The following CAPN2 variants were observed in gnomAD, a reference collection of about 807,000 sequenced individuals.
The protein encoded by CAPN2 is calpain 2, also known as calpain-2 catalytic subunit.
A neutral mutation model predicts 102.3 loss-of-function variants in CAPN2; 92 were observed. The ratio of observed to expected loss-of-function variants is 0.90; its 90% CI spans 0.76 to 1.07. The LOEUF (loss-of-function observed/expected upper bound fraction) is 1.07. Among genes scored for constraint, CAPN2 ranks in the 50% least tolerant of loss-of-function variants. The probability of loss-of-function intolerance (pLI) is 0.00; values close to 1 mark genes in which losing one functional copy is unlikely to be tolerated. For missense variants in CAPN2, 800 were observed against 909.4 expected (o/e 0.88, Z 1.55); for synonymous variants, 340 against 355.4 (o/e 0.96, Z 0.49).
chr1:223,745,189 A>G, intron 3 of CAPN2, 117 bp from the exon 4 acceptor site: 2 of 1,357,318 alleles, frequency 1.5e-6, no homozygotes, highest in Non-Finnish European at 2.0e-6. Context: ...TCCTCCCAGG[A>G]TGCGCTCATG....
At position 223,744,110 on chromosome 1, in the gene CAPN2, G is replaced by A. The variant is rs757338419; in HGVS notation, c.318G>A (p.Trp106Ter). Residue 106 changes from tryptophan (W) to a stop codon, truncating the protein, a stop_gained, in exon 3 of 21, where the codon TGG becomes TGA. Transcript: ENST00000295006. LOFTEE classifies it high-confidence loss of function. Reference sequence around the variant, plus strand: ...GTGCTGTGTTCACAGGTGACTGCTGGCTGCTGGCAGCCATTGCCTCCCTCA... The same window carrying A: ...GTGCTGTGTTCACAGGTGACTGCTGACTGCTGGCAGCCATTGCCTCCCTCA... ...DICQGALGDC[W>*]LLAAIASLTL... is the part of the protein sequence containing the mutation. 1 of 1,612,366 alleles carries A rather than the reference G, an allele frequency of 6.2e-7. No individual in the cohort carries two copies. Among genetic ancestry groups the A allele is most frequent in the East Asian group, 2.2e-5 (1 of 44,878 alleles).
Position 223,741,839 on chromosome 1 carries a change from T to TTG in CAPN2, c.308-2261_308-2260insTG, listed in dbSNP as rs1660625703. ...TTGCCCAGGCTGGAGTGCAGTGGCGTGATCTTGGCTCACTGCAGACTCCAT... is the reference window on the plus strand; with the variant it reads ...TTGCCCAGGCTGGAGTGCAGTGGCGTTGGATCTTGGCTCACTGCAGACTCCAT... On this transcript the variant is annotated intron_variant, in intron 2 of 20. Transcript: ENST00000295006. 2.0e-5 allele frequency among the ~76,000 whole-genome samples: 3 copies of TTG among 152,022 alleles called. No homozygotes were observed. The South Asian group carries it at 6.2e-4, about 32-fold the overall frequency.
intron 2 of CAPN2, among the ~76,000 whole-genome samples, chr1:223,738,070 A>AT (rs1324968092): frequency 6.6e-6 from 1 of 152,052 alleles, no homozygotes; most frequent in Non-Finnish European, 1.5e-5. Flanking sequence ...CTTCTCTTAG[A>AT]TTTTTTTCTA....
intron 6 of CAPN2, chr1:223,749,421 T>C: frequency 2.0e-6 from 1 of 510,952 alleles, no homozygotes; most frequent in Non-Finnish European, 3.5e-6. Context: ...AAGCTAAAAA[T>C]AATAAAACAA....
intron 18 of CAPN2, chr1:223,771,201 C>CTGCCT (rs1661460973): frequency 6.5e-6 from 1 of 153,242 alleles, no homozygotes; most frequent in Admixed American, 6.5e-5. Context: ...TCCAAGGGAC[C>CTGCCT]TGGGACAGCC....
intron 14 of CAPN2, 36 bp from the exon 15 acceptor site, chr1:223,764,114 G>A: frequency 6.3e-7 from 1 of 1,581,398 alleles, no homozygotes; most frequent in Non-Finnish European, 8.7e-7. Context: ...GCTCCCACGG[G>A]GGGCCAATAA....
chr1:223,757,055 A>T (rs558027926), intron 10 of CAPN2, among the ~76,000 whole-genome samples: 1 of 152,130 alleles, frequency 6.6e-6, no homozygotes, highest in Non-Finnish European at 1.5e-5. Context: ...GCCTCCTCCA[A>T]CAGGGCCCGC....
rs775930824 is a variant in CAPN2 at position 223,762,197 on chromosome 1, C to T, written c.1578C>T (p.Ser526=). ...GCCTCACCTTCCAGTTCGACATCAG[C>T]GAGGATGACATTGATGATGGATTCA... ...IEANLEEFDI[S]EDDIDDGFRR... The change falls in exon 14 of 21, where the codon AGC becomes AGT. Residue 526 remains serine (S), a synonymous_variant. Transcript: ENST00000295006. 6.2e-6 allele frequency: 10 copies of T among 1,613,514 alleles called. No individual in the cohort carries two copies. Among genetic ancestry groups the T allele is most frequent in the South Asian group, 3.3e-5 (3 of 91,040 alleles).
At chr1:223,717,885 G>C (rs550436303) in intron 2 of CAPN2, 54 bp downstream of exon 2, 1 of 1,378,162 alleles carries the variant, frequency 7.3e-7, no homozygotes, top group Non-Finnish European at 1.0e-6. Flanking sequence ...GGCTGTGGGT[G>C]GAAGAGATGA....
intron 16 of CAPN2, among the ~76,000 whole-genome samples, chr1:223,768,173 G>C (rs1214370569): frequency 6.7e-6 from 1 of 150,266 alleles, no homozygotes; most frequent in Non-Finnish European, 1.5e-5. Context: ...TTCTTTTGCT[G>C]TGCAGAAGCT....
At position 223,755,113 on chromosome 1, in the gene CAPN2, A is replaced by G. The variant is rs1206871601; in HGVS notation, c.1136-367A>G. On this transcript the variant is annotated intron_variant, in intron 9 of 20. Coordinates refer to ENST00000295006, the MANE Select transcript of CAPN2 (RefSeq NM_001748.5). The surrounding 1 kb of genome is among the most constrained non-coding windows in gnomAD (Gnocchi z 4.1). ...TCCAGCCTAACAAAGCCTGCAGTCC[A>G]CACTCCAACCCTGGTGTCTCCCACC... 6.6e-6 allele frequency among the ~76,000 whole-genome samples: 1 copy of G among 152,092 alleles called. No homozygotes were observed. Among genetic ancestry groups the G allele is most frequent in the Non-Finnish European group, 1.5e-5 (1 of 68,006 alleles).
At chr1:223,744,589 G>A (rs971504810) in intron 3 of CAPN2, among the ~76,000 whole-genome samples, 16 of 152,170 alleles carry the variant, frequency 1.1e-4, no homozygotes, top group Admixed American at 1.3e-4. Context: ...GGCTGGGCAC[G>A]GTAGCTCATG....
At chr1:223,770,059 G>A (rs751312038) in intron 17 of CAPN2, 150 bp downstream of exon 17, 7 of 716,612 alleles carry the variant, frequency 9.8e-6, no homozygotes, top group African/African-American at 1.8e-5. Flanking sequence ...TAAAGATGGG[G>A]CTGAGGAAAT....
At chr1:223,708,915 G>A (rs1371116113), upstream of CAPN2, among the ~76,000 whole-genome samples, 2 of 152,024 alleles carry the variant, frequency 1.3e-5, no homozygotes, top group African/African-American at 4.8e-5. Flanking sequence ...GAAAAAAAAA[G>A]AGAGAAAGAC....
upstream of CAPN2, among the ~76,000 whole-genome samples, chr1:223,711,204 C>A (rs1465481474): frequency 6.6e-6 from 1 of 152,122 alleles, no homozygotes; most frequent in Admixed American, 6.5e-5. Context: ...ACAAAACTGC[C>A]CCCAGTTGAG....
rs1285104432 is a variant in CAPN2, at chr1:223,774,819, TTTCC to T, written c.2080-9_2080-6del. 1.9e-6 allele frequency: 3 copies of T among 1,613,232 alleles called. No individual in the cohort carries two copies. In the Admixed American group the frequency reaches 5.0e-5, roughly 27 times the overall value. The stretch of plus-strand genomic sequence containing the variant: ...AGTGGTCACTGAGCTGACTTTTTTT[TTTCC>T]TTCCTCACAGTGGCTCTGTTTCTCA... On this transcript the variant is annotated splice_polypyrimidine_tract_variant and intron_variant, in intron 20 of 20. Coordinates refer to ENST00000295006, the MANE Select transcript of CAPN2 (RefSeq NM_001748.5).
intron 16 of CAPN2, among the ~76,000 whole-genome samples, chr1:223,768,507 G>GCA (rs1054939474): frequency 6.6e-5 from 10 of 152,112 alleles, no homozygotes; most frequent in Admixed American, 1.3e-4. Context: ...TTGTAGATAC[G>GCA]GCGTTATTTC....
rs147841921 is a variant in CAPN2 at position 223,745,320 on chromosome 1, C to T, written c.441C>T (p.Gly147=). The change falls in exon 4 of 21, where the codon GGC becomes GGT. Residue 147 remains glycine (G), a synonymous_variant. Transcript: ENST00000295006. ...GIFHFQFWQY[G]EWVEVVVDDR... ...TTGTTCTGCAGTTCTGGCAATACGG[C>T]GAGTGGGTGGAGGTGGTGGTGGATG... 170 of 1,614,136 alleles carry T rather than the reference C, an allele frequency of 1.1e-4. No individual in the cohort carries two copies. The African/African-American group carries it at 2.0e-3, about 19-fold the overall frequency.
At chr1:223,747,764 G>C (rs1660783671) in intron 5 of CAPN2, among the ~76,000 whole-genome samples, 1 of 152,206 alleles carries the variant, frequency 6.6e-6, no homozygotes, top group Admixed American at 6.5e-5. Context: ...CTTTGGGGGA[G>C]AGTGGATCGA....
Sources: allele counts gnomAD v4.1 joint callset (sites outside exome capture counted in the v4.1 genomes callset), GRCh38; gene constraint gnomAD v4.1.1; non-coding constraint Gnocchi (gnomAD v3.1); transcripts MANE v1.5; gene names NCBI Gene and HGNC (gene_info 2026-07-23, HGNC 2026-07-21).